KATNAL2: variants seen among roughly 807,000 people sequenced by gnomAD.
The protein encoded by KATNAL2 is katanin catalytic subunit A1 like 2.
In KATNAL2, 52 loss-of-function variants were observed where a neutral mutation model predicts 76.3. The ratio of observed to expected loss-of-function variants is 0.68; its 90% CI spans 0.55 to 0.86. The LOEUF (loss-of-function observed/expected upper bound fraction) is 0.86, where lower values mean the gene tolerates loss of function less well. KATNAL2 is among the 40% of genes least tolerant of loss of function. The pLI is 0.00. For synonymous variants in KATNAL2, 243 were observed against 244.2 expected, an observed-to-expected ratio of 1.00 and a Z score of 0.05; for missense variants, 660 against 668.9, an observed-to-expected ratio of 0.99 and a Z score of 0.15.
At position 47,084,247 on chromosome 18, in the gene KATNAL2, C is replaced by T; in HGVS notation, c.1211+6786C>T. On this transcript the variant is annotated intron_variant, in intron 15 of 17. Transcript: ENST00000683218. ...TTAACCTACTTCTTCCTACATGAAC[C>T]CTCTCCTGCTGGTGTAACATTGCTA... 4.5e-6 allele frequency: 3 copies of T among 673,912 alleles called. No individual in the cohort carries two copies. The South Asian group carries it at 4.8e-5, about 11-fold the overall frequency. 41.7% of individuals were successfully genotyped at this position (673,912 alleles called of 1,614,324 possible).
At chr18:46,919,454 C>A (rs1317311461) in intron 1 of KATNAL2, among the ~76,000 whole-genome samples, 2 of 151,764 alleles carry the variant, frequency 1.3e-5, no homozygotes, top group Non-Finnish European at 2.9e-5. Flanking sequence ...CCATTGCACT[C>A]CAGCCTGGGC....
At position 47,034,672 on chromosome 18, in the gene KATNAL2, G is replaced by A. The variant is rs373214046; in HGVS notation, c.52-11785G>A. 175 of 1,613,494 alleles carry A rather than the reference G, an allele frequency of 1.1e-4. No homozygotes were observed. The highest frequency in any genetic ancestry group is 1.7e-4 in the Middle Eastern group (1 of 5,752). ...CAGAGGCCCGCCCTGAGCCGCGTGA[G>A]TGTGGCCTCTTCCGGGTTGCTTCCC... On this transcript the variant is annotated intron_variant, in intron 3 of 17. Transcript: ENST00000683218.
In KATNAL2 at chr18:47,059,651, A is replaced by G. The variant is rs749958686; in HGVS notation, c.546A>G (p.Arg182=). The G allele has an allele frequency of 1.9e-6, 3 of 1,604,914 alleles. No individual in the cohort carries two copies. The highest frequency in any genetic ancestry group is 2.2e-5 in the South Asian group (2 of 90,870). Residue 182 remains arginine (R), a synonymous_variant, in exon 8 of 18, where the codon CGA becomes CGG. Coordinates refer to ENST00000683218, the MANE Select transcript of KATNAL2 (RefSeq NM_001387690.1). ...KDSGEENAHP[R]RGQIIDFQGL... is the part of the protein sequence containing the mutation. The stretch of plus-strand genomic sequence containing the variant: ...GTGGAGAGGAAAATGCCCACCCACG[A>G]AGAGTAAGTGAAACTCATGAACCTA...
intron 3 of KATNAL2, among the ~76,000 whole-genome samples, chr18:46,961,662 C>A (rs775932341): frequency 2.0e-5 from 3 of 152,182 alleles, no homozygotes; most frequent in Non-Finnish European, 4.4e-5. Flanking sequence ...TTGTCACATC[C>A]CTGACCATAT....
intron 3 of KATNAL2, among the ~76,000 whole-genome samples, chr18:47,031,663 A>C (rs1180683131): frequency 6.6e-6 from 1 of 152,140 alleles, no homozygotes; most frequent in East Asian, 1.9e-4. Context: ...ATTTTAGTAG[A>C]GATGGGATCT....
intron 15 of KATNAL2, among the ~76,000 whole-genome samples, chr18:47,088,601 G>A (rs72905405): frequency 0.026 from 4,003 of 151,912 alleles, 61 homozygotes; most frequent in Non-Finnish European, 0.041. Context: ...TTTTTGAGAG[G>A]GGGGTCTCAC....
At chr18:47,058,995 A>G (rs1312113790) in intron 7 of KATNAL2, among the ~76,000 whole-genome samples, 2 of 152,152 alleles carry the variant, frequency 1.3e-5, no homozygotes, top group Non-Finnish European at 2.9e-5. Flanking sequence ...GTTTCAAAGG[A>G]AAGAGGACCA....
intron 1 of KATNAL2, among the ~76,000 whole-genome samples, chr18:46,927,760 A>G (rs1389799458): frequency 6.6e-6 from 1 of 152,000 alleles, no homozygotes; most frequent in Non-Finnish European, 1.5e-5. Context: ...ATAGTCCTAT[A>G]TTTCTTGGAG....
intron 1 of KATNAL2, among the ~76,000 whole-genome samples, chr18:46,938,896 A>T (rs1047966217): frequency 1.3e-4 from 20 of 152,008 alleles, no homozygotes; most frequent in Non-Finnish European, 2.5e-4. Flanking sequence ...ACTACCTCAA[A>T]TTATATTAAT....
intron 4 of KATNAL2, among the ~76,000 whole-genome samples, chr18:47,050,088 G>A (rs2147081753): frequency 6.6e-6 from 1 of 152,172 alleles, no homozygotes; most frequent in South Asian, 2.1e-4. Context: ...CTGTTGCCCA[G>A]GCTGGTCTGG....
intron 15 of KATNAL2, among the ~76,000 whole-genome samples, chr18:47,079,204 CTTTT>C (rs377091929): frequency 1.3e-5 from 2 of 152,074 alleles, no homozygotes; most frequent in Admixed American, 6.5e-5. Flanking sequence ...AAAATAAGGA[CTTTT>C]TTTACATTAC....
intron 6 of KATNAL2, among the ~76,000 whole-genome samples, chr18:47,056,829 AAC>A (rs57623545): frequency 0.4 from 60,768 of 151,532 alleles, 12,191 homozygotes; most frequent in Admixed American, 0.51. Flanking sequence ...CAAACACATA[AAC>A]ACACACACAC....
At chr18:46,940,431 G>A (rs537111085) in intron 1 of KATNAL2, among the ~76,000 whole-genome samples, 2 of 152,148 alleles carry the variant, frequency 1.3e-5, no homozygotes, top group South Asian at 2.1e-4. Flanking sequence ...TGATTAAAAC[G>A]CTCTCTCTCT....
In KATNAL2 at chr18:46,946,331, A is replaced by G. The variant is rs1287372828; in HGVS notation, c.-235A>G. ...GGAAGTTTGGTGATGCACAGTTTGC[A>G]TCCCAGAAGGCTCTTGACAACCAAA... On this transcript the variant is annotated 5_prime_UTR_variant, in exon 2 of 18. Coordinates refer to ENST00000683218, the MANE Select transcript of KATNAL2 (RefSeq NM_001387690.1). The G allele has an allele frequency of 9.7e-6, 10 of 1,032,266 alleles. No homozygotes were observed. The highest frequency in any genetic ancestry group is 1.7e-5 in the African/African-American group (1 of 58,130). 63.9% of individuals were successfully genotyped at this position (1,032,266 alleles called of 1,614,324 possible).
chr18:46,936,881 G>T (rs542250568), intron 1 of KATNAL2, among the ~76,000 whole-genome samples: 1 of 152,204 alleles, frequency 6.6e-6, no homozygotes, highest in South Asian at 2.1e-4. Flanking sequence ...CTTGAACCCG[G>T]GAGGCGGAGG....
intron 15 of KATNAL2, among the ~76,000 whole-genome samples, chr18:47,080,128 T>C (rs2062437630): frequency 6.6e-6 from 1 of 152,218 alleles, no homozygotes. Flanking sequence ...TTGGTAACCC[T>C]GAAATATAGT....
In KATNAL2 at chr18:47,050,979, C is replaced by A. The variant is rs187324780; in HGVS notation, c.123-1901C>A. 2.1e-3 allele frequency among the ~76,000 whole-genome samples: 320 copies of A among 152,264 alleles called. 1 individual carries two copies. Among genetic ancestry groups the A allele is most frequent in the African/African-American group, 7.4e-3 (309 of 41,570 alleles). Reference sequence around the variant, plus strand: ...GTGAGTGAGAATTGGTGACAGCAGACAATGGAGGGTCATGGATGCTGGTTC... The same window carrying A: ...GTGAGTGAGAATTGGTGACAGCAGAAAATGGAGGGTCATGGATGCTGGTTC... On this transcript the variant is annotated intron_variant, in intron 4 of 17. Coordinates refer to ENST00000683218, the MANE Select transcript of KATNAL2 (RefSeq NM_001387690.1).
intron 13 of KATNAL2, among the ~76,000 whole-genome samples, chr18:47,071,766 C>T (rs963873251): frequency 1.3e-5 from 2 of 151,582 alleles, no homozygotes; most frequent in Non-Finnish European, 2.9e-5. Context: ...GTTGAATAGC[C>T]AGAAAAGTCA....
intron 4 of KATNAL2, 36 bp downstream of exon 4, chr18:47,046,563 C>A: frequency 1.5e-6 from 2 of 1,342,628 alleles, no homozygotes; most frequent in Non-Finnish European, 2.1e-6. Context: ...GAGATGATTC[C>A]TCTTTCTCTG....
Sources: gnomAD v4.1 joint callset for allele counts (sites outside exome capture counted in the v4.1 genomes callset) on GRCh38, gnomAD v4.1.1 for gene constraint, MANE v1.5 for transcripts, NCBI Gene and HGNC (gene_info 2026-07-23, HGNC 2026-07-21) for gene names.